The following SGCZ variants were observed in gnomAD, a reference collection of about 807,000 sequenced individuals.
SGCZ encodes sarcoglycan zeta.
A neutral mutation model predicts 41.3 loss-of-function variants in SGCZ; 40 were observed. The ratio of observed to expected loss-of-function variants is 0.97; its 90% confidence interval spans 0.75 to 1.26. SGCZ has a LOEUF of 1.26. Among genes scored for constraint, SGCZ ranks in the 50% most tolerant of loss-of-function variants. The pLI, the probability that SGCZ is intolerant of heterozygous loss-of-function variation, is 0.00. For synonymous variants in SGCZ, 206 were observed against 137.5 expected (o/e 1.50, Z -3.49); for missense variants, 552 against 369.8 (o/e 1.49, Z -4.04).
chr8:14,581,865 T>C (rs1279341729), intron 1 of SGCZ, among the ~76,000 whole-genome samples: 1 of 152,226 alleles, frequency 6.6e-6, no homozygotes, highest in Admixed American at 6.5e-5. Context: ...CAGATGATGC[T>C]AGAACAACAG....
intron 4 of SGCZ, among the ~76,000 whole-genome samples, chr8:14,177,290 A>G (rs1264657409): frequency 6.6e-6 from 1 of 152,170 alleles, no homozygotes; most frequent in Non-Finnish European, 1.5e-5. Flanking sequence ...GGCTACTGAG[A>G]GCAGGGAAGG....
chr8:14,121,347 C>T (rs941242763), intron 5 of SGCZ, among the ~76,000 whole-genome samples: 5 of 152,048 alleles, frequency 3.3e-5, no homozygotes, highest in Non-Finnish European at 5.9e-5. Context: ...ACTTTAGGCT[C>T]ATAGCAAATT....
chr8:14,785,762 T>C (rs907275558), intron 1 of SGCZ, among the ~76,000 whole-genome samples: 11 of 152,214 alleles, frequency 7.2e-5, no homozygotes, highest in Non-Finnish European at 1.3e-4. Flanking sequence ...GGGCTTTAAC[T>C]TGTTACTCTT....
At chr8:14,819,080 ACCT>A (rs1190522780) in intron 1 of SGCZ, among the ~76,000 whole-genome samples, 1 of 152,002 alleles carries the variant, frequency 6.6e-6, no homozygotes, top group Non-Finnish European at 1.5e-5. Flanking sequence ...ACCCAAAAGA[ACCT>A]TCCAAGGCAC....
At chr8:14,443,457 A>G (rs1800334326) in intron 2 of SGCZ, among the ~76,000 whole-genome samples, 2 of 152,148 alleles carry the variant, frequency 1.3e-5, no homozygotes, top group Non-Finnish European at 1.5e-5. Flanking sequence ...TGGTACCAAA[A>G]CAGAGATATA....
intron 3 of SGCZ, among the ~76,000 whole-genome samples, chr8:14,280,365 TTAAG>T (rs1460156189): frequency 2.6e-5 from 4 of 151,864 alleles, no homozygotes; most frequent in African/African-American, 9.7e-5. Context: ...ATCAGAATGA[TTAAG>T]TGTTTATAAC....
chr8:14,391,894 T>G (rs1329960238), intron 2 of SGCZ, among the ~76,000 whole-genome samples: 1 of 152,128 alleles, frequency 6.6e-6, no homozygotes, highest in African/African-American at 2.4e-5. Flanking sequence ...GCTCCTGCCA[T>G]GTCCTGCTCC....
chr8:14,728,135 A>G (rs942047858), intron 1 of SGCZ, among the ~76,000 whole-genome samples: 4 of 152,184 alleles, frequency 2.6e-5, no homozygotes, highest in Admixed American at 2.6e-4. Context: ...GGGGTGATAA[A>G]TATGTTCGAA....
chr8:14,541,423 T>C (rs1803463763), intron 2 of SGCZ, among the ~76,000 whole-genome samples: 1 of 152,100 alleles, frequency 6.6e-6, no homozygotes, highest in African/African-American at 2.4e-5. Context: ...GTTAGTTTGC[T>C]GAAGATGACA....
At chr8:14,786,348 A>G (rs1800767156) in intron 1 of SGCZ, among the ~76,000 whole-genome samples, 1 of 152,204 alleles carries the variant, frequency 6.6e-6, no homozygotes, top group South Asian at 2.1e-4. Context: ...CTGAGGAATT[A>G]GTATGTCCTG....
intron 1 of SGCZ, among the ~76,000 whole-genome samples, chr8:15,074,120 C>T (rs576190084): frequency 6.6e-6 from 1 of 152,240 alleles, no homozygotes; most frequent in Non-Finnish European, 1.5e-5. Flanking sequence ...TTCACAACCC[C>T]CCATCCAACC....
chr8:14,616,571 A>G (rs1462800372), intron 1 of SGCZ, among the ~76,000 whole-genome samples: 1 of 152,164 alleles, frequency 6.6e-6, no homozygotes, highest in Admixed American at 6.5e-5. Context: ...ACTACCTAAA[A>G]CATCCCTGTC....
chr8:14,973,457 C>G (rs906554345), intron 1 of SGCZ, among the ~76,000 whole-genome samples: 1 of 152,168 alleles, frequency 6.6e-6, no homozygotes, highest in Non-Finnish European at 1.5e-5. Flanking sequence ...CAGTACTGCT[C>G]CCGCTTGCCT....
intron 1 of SGCZ, among the ~76,000 whole-genome samples, chr8:14,693,305 T>TTTC (rs201209091): frequency 6.6e-6 from 1 of 151,264 alleles, no homozygotes; most frequent in East Asian, 1.9e-4. Context: ...TTTTTTTTTT[T>TTTC]CCCCCAGATG....
At chr8:14,471,723 A>T (rs995293787) in intron 2 of SGCZ, among the ~76,000 whole-genome samples, 1 of 152,092 alleles carries the variant, frequency 6.6e-6, no homozygotes, top group South Asian at 2.1e-4. Flanking sequence ...TAAAAATAAT[A>T]ATTTCCGTGC....
chr8:14,179,883 A>G (rs879786915), intron 4 of SGCZ, among the ~76,000 whole-genome samples: 19 of 152,194 alleles, frequency 1.2e-4, no homozygotes, highest in Non-Finnish European at 2.2e-4. Flanking sequence ...TAAAAAGTGA[A>G]AAAAAATCAT....
intron 1 of SGCZ, among the ~76,000 whole-genome samples, chr8:14,703,801 T>C (rs1325982452): frequency 6.6e-6 from 1 of 151,966 alleles, no homozygotes; most frequent in African/African-American, 2.4e-5. Flanking sequence ...GGCTTTTAGT[T>C]ATTAATCTGA....
At chr8:14,217,360 T>A (rs1419320556) in intron 4 of SGCZ, among the ~76,000 whole-genome samples, 1 of 142,340 alleles carries the variant, frequency 7.0e-6, no homozygotes, top group Non-Finnish European at 1.5e-5. Flanking sequence ...CACATACAAA[T>A]GGATACATGT....
At chr8:15,046,998 G>A (rs1378843001) in intron 1 of SGCZ, among the ~76,000 whole-genome samples, 1 of 151,988 alleles carries the variant, frequency 6.6e-6, no homozygotes, top group East Asian at 1.9e-4. Flanking sequence ...ACAGTTCAAT[G>A]TTTGTTAATA....
Sources: allele counts gnomAD v4.1 joint callset (sites outside exome capture counted in the v4.1 genomes callset), GRCh38; gene constraint gnomAD v4.1.1; transcripts MANE v1.5; gene names NCBI Gene and HGNC (gene_info 2026-07-23, HGNC 2026-07-21).